The following LRP1B variants were observed in gnomAD, a reference collection of about 807,000 sequenced individuals.
LRP1B encodes LDL receptor related protein 1B.
In LRP1B, 217 loss-of-function variants were observed where a neutral mutation model predicts 556.6. The ratio of observed to expected loss-of-function variants is 0.39; its 90% CI spans 0.35 to 0.44. The LOEUF (loss-of-function observed/expected upper bound fraction) is 0.44, where lower values mean the gene tolerates loss of function less well. Ranked by LOEUF, LRP1B falls within the 20% of genes least tolerant of loss-of-function variation. The probability of loss-of-function intolerance (pLI) is 1.00; values close to 1 mark genes in which losing one functional copy is unlikely to be tolerated. For missense variants in LRP1B, 5,053 were observed against 5,620.8 expected (o/e 0.90, Z 3.23); for synonymous variants, 2,047 against 1,865.8 (o/e 1.10, Z -2.50).
intron 41 of LRP1B, among the ~76,000 whole-genome samples, chr2:140,651,526 T>TAAAAA (rs558677783): frequency 3.0e-4 from 32 of 107,000 alleles, no homozygotes; most frequent in South Asian, 9.3e-4. Flanking sequence ...ATACAAAAAT[T>TAAAAA]AAAAAAAAAA....
At chr2:141,484,903 A>G (rs1352618254) in intron 2 of LRP1B, among the ~76,000 whole-genome samples, 7 of 151,980 alleles carry the variant, frequency 4.6e-5, no homozygotes, top group African/African-American at 1.7e-4. Flanking sequence ...ATCATGCAAG[A>G]TTTTTTTAAA....
intron 3 of LRP1B, among the ~76,000 whole-genome samples, chr2:141,475,806 G>A (rs6725403): frequency 1.3e-5 from 2 of 151,882 alleles, no homozygotes; most frequent in African/African-American, 4.8e-5. Context: ...CGAACTCCAA[G>A]GGAAGATCAT....
At chr2:141,341,161 C>G (rs979431978) in intron 3 of LRP1B, among the ~76,000 whole-genome samples, 1 of 152,156 alleles carries the variant, frequency 6.6e-6, no homozygotes, top group South Asian at 2.1e-4. Flanking sequence ...TTTTAGGAAG[C>G]AAGCACAGGC....
chr2:142,122,375 C>G (rs1019243564), intron 1 of LRP1B, among the ~76,000 whole-genome samples: 2 of 151,964 alleles, frequency 1.3e-5, no homozygotes, highest in Non-Finnish European at 2.9e-5. Context: ...CAACAACGGA[C>G]AAAGAAGAAG....
intron 3 of LRP1B, among the ~76,000 whole-genome samples, chr2:141,306,672 C>T (rs566025170): frequency 1.3e-4 from 20 of 151,942 alleles, no homozygotes; most frequent in African/African-American, 4.3e-4. Flanking sequence ...GTTTGGCTTG[C>T]TCTTGCTTTT....
At chr2:140,684,294 C>T (rs1180053927) in intron 41 of LRP1B, among the ~76,000 whole-genome samples, 2 of 152,198 alleles carry the variant, frequency 1.3e-5, no homozygotes, top group Admixed American at 1.3e-4. Flanking sequence ...TCATTGAACT[C>T]TGTTCTCTAA....
At chr2:140,600,872 C>T (rs770896851) in intron 42 of LRP1B, among the ~76,000 whole-genome samples, 12 of 142,066 alleles carry the variant, frequency 8.4e-5, no homozygotes, top group Non-Finnish European at 1.4e-4. Flanking sequence ...ATTTTATATC[C>T]GGAGCATTTT....
intron 51 of LRP1B, among the ~76,000 whole-genome samples, chr2:140,512,084 T>G (rs1689688409): frequency 6.6e-6 from 1 of 152,184 alleles, no homozygotes; most frequent in Admixed American, 6.5e-5. Context: ...TATTATCACT[T>G]TAATTTGTTC....
At chr2:141,060,741 G>A (rs1046693041) in intron 8 of LRP1B, among the ~76,000 whole-genome samples, 2 of 151,704 alleles carry the variant, frequency 1.3e-5, no homozygotes, top group African/African-American at 4.8e-5. Context: ...AGAAAAGACT[G>A]TTTCCCCTAA....
At chr2:141,816,658 T>C (rs948374525) in intron 1 of LRP1B, among the ~76,000 whole-genome samples, 7 of 152,172 alleles carry the variant, frequency 4.6e-5, no homozygotes, top group African/African-American at 1.7e-4. Flanking sequence ...AATCTCCTAA[T>C]AAACTCCCCT....
intron 7 of LRP1B, among the ~76,000 whole-genome samples, chr2:141,138,701 A>C (rs1701551477): frequency 6.6e-6 from 1 of 151,942 alleles, no homozygotes. Context: ...TATGGACATA[A>C]CAACAATAAA....
intron 86 of LRP1B, among the ~76,000 whole-genome samples, chr2:140,267,943 G>GAA (rs70985080): frequency 2.9e-4 from 43 of 150,712 alleles, no homozygotes; most frequent in Non-Finnish European, 4.6e-4. Flanking sequence ...GCAAAAAGTG[G>GAA]AAAAAAAAAT....
At chr2:141,036,910 C>G (rs1275456059) in intron 11 of LRP1B, among the ~76,000 whole-genome samples, 1 of 151,930 alleles carries the variant, frequency 6.6e-6, no homozygotes, top group Non-Finnish European at 1.5e-5. Context: ...TTATCTCCTG[C>G]CCAAAACTCC....
chr2:140,244,139 G>T (rs1284959313), intron 87 of LRP1B, among the ~76,000 whole-genome samples: 1 of 151,122 alleles, frequency 6.6e-6, no homozygotes, highest in Non-Finnish European at 1.5e-5. Flanking sequence ...GCAGAGACTT[G>T]ATAAACCTTT....
chr2:140,577,361 T>C (rs928356478), intron 43 of LRP1B, among the ~76,000 whole-genome samples: 3 of 151,840 alleles, frequency 2.0e-5, no homozygotes, highest in Non-Finnish European at 4.4e-5. Flanking sequence ...TGCGCACCTG[T>C]AGTCCCAGCT....
chr2:140,598,054 C>CA (rs1329502534), intron 43 of LRP1B, among the ~76,000 whole-genome samples: 1 of 152,192 alleles, frequency 6.6e-6, no homozygotes, highest in East Asian at 1.9e-4. Context: ...GGCGCCCTAG[C>CA]ATCTCACCAT....
At position 140,240,492 on chromosome 2, in the gene LRP1B, G is replaced by T. The variant is rs556900214; in HGVS notation, c.13325-960C>A. Among the ~76,000 whole-genome samples the T allele has an allele frequency of 6.6e-5, 10 of 150,762 alleles. No individual in the cohort carries two copies. The South Asian group carries it at 2.1e-3, about 31-fold the overall frequency. ...AGTAGGCAGACAATAATAGCCCATT[G>T]CTAATAATGTGACCCACAGGAGAAT... On this transcript the variant is annotated intron_variant, in intron 87 of 90. Coordinates refer to ENST00000389484, the MANE Select transcript of LRP1B (RefSeq NM_018557.3).
At chr2:141,972,116 CAAAT>C (rs1038350377) in intron 1 of LRP1B, among the ~76,000 whole-genome samples, 28 of 151,388 alleles carry the variant, frequency 1.8e-4, no homozygotes, top group Admixed American at 5.9e-4. Context: ...ACTATGTAAA[CAAAT>C]ACATGTATAT....
chr2:141,810,046 T>A (rs959638281), intron 2 of LRP1B, among the ~76,000 whole-genome samples: 1 of 147,616 alleles, frequency 6.8e-6, no homozygotes, highest in Non-Finnish European at 1.5e-5. Context: ...TACTCATATT[T>A]AAAAAAAAAC....
Sources: gnomAD v4.1 joint callset for allele counts (sites outside exome capture counted in the v4.1 genomes callset) on GRCh38, gnomAD v4.1.1 for gene constraint, MANE v1.5 for transcripts, NCBI Gene and HGNC (gene_info 2026-07-23, HGNC 2026-07-21) for gene names.